KDM4C: variants seen among roughly 807,000 people sequenced by gnomAD.
KDM4C encodes lysine demethylase 4C.
Under a neutral mutation model 129.3 loss-of-function variants are expected in KDM4C, and 81 were observed. The ratio of observed to expected loss-of-function variants is 0.63; its 90% CI spans 0.52 to 0.75. The LOEUF is 0.75. KDM4C is among the 30% of genes least tolerant of loss of function. KDM4C has a pLI of 0.00. For synonymous variants in KDM4C, 573 were observed against 456.1 expected, an observed-to-expected ratio of 1.26 and a Z score of -3.26; for missense variants, 1,457 against 1,304.0, an observed-to-expected ratio of 1.12 and a Z score of -1.81.
At chr9:6,956,400 A>T (rs540211578) in intron 8 of KDM4C, among the ~76,000 whole-genome samples, 14 of 152,252 alleles carry the variant, frequency 9.2e-5, no homozygotes, top group Admixed American at 6.5e-4. Flanking sequence ...ATAAAAATTT[A>T]AAAAATTAAA....
chr9:6,972,377 C>G (rs914022907), intron 8 of KDM4C, among the ~76,000 whole-genome samples: 1 of 151,978 alleles, frequency 6.6e-6, no homozygotes, highest in Non-Finnish European at 1.5e-5. Context: ...TATATTTTCT[C>G]CCATAAAATC....
intron 18 of KDM4C, among the ~76,000 whole-genome samples, chr9:7,123,405 G>C (rs1564146824): frequency 6.6e-6 from 1 of 152,204 alleles, no homozygotes; most frequent in Non-Finnish European, 1.5e-5. Flanking sequence ...AACAGAACCT[G>C]TAGGGATAAA....
chr9:6,833,990 G>A (rs184321739), intron 4 of KDM4C, among the ~76,000 whole-genome samples: 35 of 151,060 alleles, frequency 2.3e-4, no homozygotes, highest in Admixed American at 1.8e-3. Flanking sequence ...AGATCCTGCC[G>A]TGTGTGGTGC....
chr9:6,815,733 T>G (rs1831964053), intron 4 of KDM4C, among the ~76,000 whole-genome samples: 1 of 152,222 alleles, frequency 6.6e-6, no homozygotes, highest in African/African-American at 2.4e-5. Flanking sequence ...TTGGAAGGGA[T>G]GCTCAACCTG....
At chr9:6,837,519 C>T (rs1176802148) in intron 4 of KDM4C, among the ~76,000 whole-genome samples, 10 of 152,272 alleles carry the variant, frequency 6.6e-5, no homozygotes, top group East Asian at 5.8e-4. Flanking sequence ...CCAGTCTTCA[C>T]GCTTAATATC....
At chr9:7,126,270 G>A (rs1179790161) in intron 18 of KDM4C, among the ~76,000 whole-genome samples, 1 of 152,102 alleles carries the variant, frequency 6.6e-6, no homozygotes, top group Admixed American at 6.6e-5. Context: ...TCTTAGGTAA[G>A]GACTGCAACC....
chr9:7,041,994 C>CA (rs1828682090), intron 15 of KDM4C, among the ~76,000 whole-genome samples: 1 of 151,972 alleles, frequency 6.6e-6, no homozygotes, highest in Non-Finnish European at 1.5e-5. Context: ...ATCACAGATC[C>CA]ATATTTTTTT....
At chr9:6,961,141 A>T (rs902202746) in intron 8 of KDM4C, among the ~76,000 whole-genome samples, 3 of 152,230 alleles carry the variant, frequency 2.0e-5, no homozygotes, top group Non-Finnish European at 4.4e-5. Context: ...GTTTGCAAAC[A>T]TTTGACAAAA....
intron 17 of KDM4C, among the ~76,000 whole-genome samples, chr9:7,075,615 G>A (rs193233025): frequency 2.6e-5 from 4 of 152,204 alleles, no homozygotes; most frequent in African/African-American, 9.6e-5. Flanking sequence ...GCAGCCTGAG[G>A]TCCTCACCAC....
chr9:7,082,907 A>G (rs1170051861), intron 17 of KDM4C, among the ~76,000 whole-genome samples: 1 of 152,236 alleles, frequency 6.6e-6, no homozygotes, highest in Non-Finnish European at 1.5e-5. Context: ...AGTACCAAAC[A>G]TTAAGGACTT....
intron 8 of KDM4C, among the ~76,000 whole-genome samples, chr9:6,968,508 C>G (rs1401322747): frequency 8.5e-5 from 13 of 152,152 alleles, no homozygotes; most frequent in Admixed American, 8.5e-4. Context: ...TCTGATGTTG[C>G]TGTGGTTAAA....
intron 17 of KDM4C, among the ~76,000 whole-genome samples, chr9:7,074,062 C>T (rs563358580): frequency 6.6e-6 from 1 of 152,222 alleles, no homozygotes; most frequent in South Asian, 2.1e-4. Flanking sequence ...ACTAATCTTC[C>T]CTTCAAATAA....
At chr9:7,061,583 C>T (rs771800995) in intron 17 of KDM4C, among the ~76,000 whole-genome samples, 6 of 152,288 alleles carry the variant, frequency 3.9e-5, no homozygotes, top group African/African-American at 9.6e-5. Flanking sequence ...AGAGAAGACT[C>T]GTCCAGTCTC....
At chr9:6,879,497 A>G (rs1199238178) in intron 5 of KDM4C, among the ~76,000 whole-genome samples, 1 of 152,214 alleles carries the variant, frequency 6.6e-6, no homozygotes, top group East Asian at 1.9e-4. Context: ...CGGTGTTCTT[A>G]GTAAGATTTG....
intron 21 of KDM4C, among the ~76,000 whole-genome samples, chr9:7,172,241 C>G (rs547480584): frequency 6.6e-6 from 1 of 152,262 alleles, no homozygotes; most frequent in African/African-American, 2.4e-5. Flanking sequence ...CACACGCTGA[C>G]TGGGGGAGAA....
chr9:6,835,353 C>A (rs867774112), intron 4 of KDM4C: 4 of 1,043,924 alleles, frequency 3.8e-6, no homozygotes, highest in East Asian at 2.4e-5. Flanking sequence ...TGCTGTCTGG[C>A]GGCACCACCA....
chr9:6,975,735 C>G (rs909270734), intron 8 of KDM4C, among the ~76,000 whole-genome samples: 1 of 152,046 alleles, frequency 6.6e-6, no homozygotes, highest in African/African-American at 2.4e-5. Flanking sequence ...ACTAATGGTT[C>G]ATTAAAATTA....
At chr9:7,082,950 T>C (rs938596194) in intron 17 of KDM4C, among the ~76,000 whole-genome samples, 5 of 152,226 alleles carry the variant, frequency 3.3e-5, no homozygotes, top group African/African-American at 1.2e-4. Context: ...TAATAGCCAT[T>C]GTTTATAGTT....
At chr9:7,068,686 C>CTTTTTTTTTTTTTTTTTTTTTTTTTT (rs542039227) in intron 17 of KDM4C, among the ~76,000 whole-genome samples, 1 of 101,766 alleles carries the variant, frequency 9.8e-6, no homozygotes, top group African/African-American at 3.9e-5. Flanking sequence ...GATGCCCTTT[C>CTTTTTTTTTTTTTTTTTTTTTTTTTT]TTTTTTTTTT....
Sources: allele counts gnomAD v4.1 joint callset (sites outside exome capture counted in the v4.1 genomes callset), GRCh38; gene constraint gnomAD v4.1.1; transcripts MANE v1.5; gene names NCBI Gene and HGNC (gene_info 2026-07-23, HGNC 2026-07-21).